CACNA1E: variants seen among roughly 807,000 people sequenced by gnomAD.
CACNA1E encodes calcium voltage-gated channel subunit alpha1 E.
In CACNA1E, 40 loss-of-function variants were observed where a neutral mutation model predicts 259.2. The ratio of observed to expected loss-of-function variants is 0.15; its 90% CI spans 0.12 to 0.20. The LOEUF (loss-of-function observed/expected upper bound fraction) is 0.20, where lower values mean the gene tolerates loss of function less well. Ranked by LOEUF, CACNA1E falls within the 10% of genes least tolerant of loss-of-function variation. The pLI is 1.00. For synonymous variants in CACNA1E, 1,104 were observed against 1,138.5 expected, an observed-to-expected ratio of 0.97 and a Z score of 0.61; for missense variants, 1,874 against 3,040.1, an observed-to-expected ratio of 0.62 and a Z score of 9.02.
intron 6 of CACNA1E, among the ~76,000 whole-genome samples, chr1:181,606,448 G>C (rs115076869): frequency 2.0e-5 from 3 of 152,146 alleles, no homozygotes; most frequent in Non-Finnish European, 4.4e-5. Context: ...ATATATCCCC[G>C]GCTGCGCCCA....
rs144913331 is a variant in CACNA1E at position 181,327,382 on chromosome 1, C to T, written c.-15+9259C>T. On this transcript the variant is annotated intron_variant, in intron 1 of 11. Transcript: ENST00000524607. The stretch of plus-strand genomic sequence containing the variant: ...GAGTTGACGGAAGGCAGTAATACTA[C>T]GGAGTGTGTATGTGGTATATATATA... Among the ~76,000 whole-genome samples, 317 of 152,238 alleles carry T rather than the reference C, an allele frequency of 2.1e-3. 2 individuals are homozygous for T. Among genetic ancestry groups the T allele is most frequent in the African/African-American group, 6.9e-3 (287 of 41,544 alleles).
rs182019635 is a variant in CACNA1E, at chr1:181,627,485, G to A, written c.952-23853G>A. ...GGGGGGAGATAAGGCTCGGTAAATG[G>A]ATGAGGCCCAGACTGTTGTGTCATG... On this transcript the variant is annotated intron_variant, in intron 6 of 47. Transcript: ENST00000367573. 1.6e-3 allele frequency among the ~76,000 whole-genome samples: 241 copies of A among 152,286 alleles called. 5 individuals are homozygous for A. The highest frequency in any genetic ancestry group is 5.6e-3 in the African/African-American group (234 of 41,560).
intron 6 of CACNA1E, among the ~76,000 whole-genome samples, chr1:181,610,095 G>A (rs199960): frequency 0.25 from 38,014 of 152,082 alleles, 4,932 homozygotes; most frequent in Middle Eastern, 0.37. Context: ...TGTGCACAAA[G>A]CATCTTCCTG....
intron 3 of CACNA1E, among the ~76,000 whole-genome samples, chr1:181,556,304 C>T (rs1648716797): frequency 6.6e-6 from 1 of 152,154 alleles, no homozygotes; most frequent in African/African-American, 2.4e-5. Context: ...ACTGCTGACC[C>T]CAGGACAGCA....
chr1:181,618,165 A>T lies in CACNA1E; in HGVS notation c.952-33173A>T, dbSNP rs571719368. ...TTGTATGAATATGTGAGACAAGGGGACTAGATGAACTAGAGAGAAGCATTC... is the reference window on the plus strand; with the variant it reads ...TTGTATGAATATGTGAGACAAGGGGTCTAGATGAACTAGAGAGAAGCATTC... On this transcript the variant is annotated intron_variant, in intron 6 of 47. Coordinates refer to ENST00000367573, the MANE Select transcript of CACNA1E (RefSeq NM_001205293.3). Among the ~76,000 whole-genome samples, 9 of 152,298 alleles carry T rather than the reference A, an allele frequency of 5.9e-5. No individual in the cohort carries two copies. The South Asian group carries it at 1.9e-3, about 32-fold the overall frequency.
intron 43 of CACNA1E, among the ~76,000 whole-genome samples, chr1:181,786,497 A>T (rs1174402617): frequency 6.6e-6 from 1 of 152,208 alleles, no homozygotes; most frequent in Non-Finnish European, 1.5e-5. Flanking sequence ...AACAAAAGGG[A>T]CCTTATTCAG....
chr1:181,750,331 C>A (rs906869467), intron 25 of CACNA1E, 145 bp from the exon 26 acceptor site: 4 of 675,958 alleles, frequency 5.9e-6, no homozygotes, highest in Non-Finnish European at 1.0e-5. Context: ...TCCCCTGGGC[C>A]TGTGCTGCTC....
intron 33 of CACNA1E, 123 bp from the exon 34 acceptor site, chr1:181,763,283 T>G: frequency 1.2e-6 from 1 of 811,920 alleles, no homozygotes. Context: ...GGAATTGGGG[T>G]TAACAAAGAC....
intron 16 of CACNA1E, among the ~76,000 whole-genome samples, chr1:181,722,445 TA>T (rs1484640779): frequency 6.6e-6 from 1 of 152,144 alleles, no homozygotes; most frequent in African/African-American, 2.4e-5. Flanking sequence ...AAAGGGAAAC[TA>T]AAGTCCAGTT....
At chr1:181,621,827 T>G (rs998336739) in intron 6 of CACNA1E, among the ~76,000 whole-genome samples, 1 of 152,172 alleles carries the variant, frequency 6.6e-6, no homozygotes, top group Admixed American at 6.5e-5. Flanking sequence ...TTGTGCTACC[T>G]AGCCTTGCAC....
chr1:181,742,816 C>T (rs915380243), intron 25 of CACNA1E, among the ~76,000 whole-genome samples: 2 of 152,196 alleles, frequency 1.3e-5, no homozygotes, highest in South Asian at 2.1e-4. Context: ...GAAGAGAAGA[C>T]TGTTCTCCAC....
chr1:181,678,984 A>C (rs149473021), intron 7 of CACNA1E, among the ~76,000 whole-genome samples: 1 of 152,172 alleles, frequency 6.6e-6, no homozygotes, highest in African/African-American at 2.4e-5. Flanking sequence ...GAGCCTCTAG[A>C]TAACTACAAA....
intron 7 of CACNA1E, among the ~76,000 whole-genome samples, chr1:181,668,380 C>T (rs944020345): frequency 6.6e-6 from 1 of 152,090 alleles, no homozygotes; most frequent in Non-Finnish European, 1.5e-5. Context: ...CGGTTTGTTT[C>T]CATGCACTCC....
rs1472384789 is a variant in CACNA1E, at chr1:181,373,579, C to T, written c.-14-39554C>T. Among the ~76,000 whole-genome samples, 5 of 149,200 alleles carry T rather than the reference C, an allele frequency of 3.4e-5. No homozygotes were observed. The South Asian group carries it at 6.4e-4, about 19-fold the overall frequency. On this transcript the variant is annotated intron_variant, in intron 1 of 11. Transcript: ENST00000524607. ...TTGAGACGGAGACTCGCTCTGTCGC[C>T]CAGGCTGGAGTGCAGTGGCGCAATC...
rs536131706 is a variant in CACNA1E, at chr1:181,805,203, G to T, written c.*6369G>T. ...CACTTCCTCTTCACTTCACTCAGAG[G>T]ATGGCCCCAAAACTGAAAAGGAAAT... On this transcript the variant is annotated 3_prime_UTR_variant, in exon 48 of 48. Coordinates refer to ENST00000367573, the MANE Select transcript of CACNA1E (RefSeq NM_001205293.3). The T allele has an allele frequency of 6.6e-6, 1 of 152,096 alleles. No individual in the cohort carries two copies. Among genetic ancestry groups the T allele is most frequent in the Admixed American group, 6.5e-5 (1 of 15,272 alleles). 9.4% of individuals were successfully genotyped at this position (152,096 alleles called of 1,614,324 possible).
chr1:181,619,712 A>T (rs528300304), intron 6 of CACNA1E, among the ~76,000 whole-genome samples: 1 of 152,156 alleles, frequency 6.6e-6, no homozygotes, highest in Non-Finnish European at 1.5e-5. Flanking sequence ...AATTCTGGAT[A>T]GGTTTTGAAG....
intron 3 of CACNA1E, among the ~76,000 whole-genome samples, chr1:181,542,032 A>G (rs772947325): frequency 1.6e-4 from 25 of 152,128 alleles, no homozygotes; most frequent in Non-Finnish European, 1.8e-4. Context: ...GAAGCAGGTT[A>G]CCATATCATG....
rs1334265515 is a variant in CACNA1E at position 181,733,577 on chromosome 1, G to A, written c.3089G>A (p.Ser1030Asn). ...VLTEQEPEGS[S>N]EQALLGNVQL... Reference sequence around the variant, plus strand: ...ACGGAGCAGGAGCCAGAAGGCAGCAGTGAGCAGGCCCTGCTGGGGAATGTG... The same window carrying A: ...ACGGAGCAGGAGCCAGAAGGCAGCAATGAGCAGGCCCTGCTGGGGAATGTG... Residue 1030 changes from serine (S) to asparagine (N), a missense_variant, in exon 21 of 48, where the codon AGT (serine) becomes AAT (asparagine). This residue lies in a region of CACNA1E where 476 missense variants were observed against 514.0 expected (regional missense o/e 0.93). Coordinates refer to ENST00000367573, the MANE Select transcript of CACNA1E (RefSeq NM_001205293.3). 2.5e-6 allele frequency: 4 copies of A among 1,613,090 alleles called. No homozygotes were observed. Among genetic ancestry groups the A allele is most frequent in the Non-Finnish European group, 3.4e-6 (4 of 1,179,508 alleles).
intron 1 of CACNA1E, among the ~76,000 whole-genome samples, chr1:181,365,615 A>C (rs1025254426): frequency 2.0e-5 from 3 of 152,244 alleles, no homozygotes; most frequent in African/African-American, 7.2e-5. Context: ...CGGGGTGGTC[A>C]GTTCAGTGGC....
Sources: gnomAD v4.1 joint callset for allele counts (sites outside exome capture counted in the v4.1 genomes callset) on GRCh38, gnomAD v4.1.1 for gene constraint, gnomAD v4.1.1 regional missense constraint, MANE v1.5 for transcripts, NCBI Gene and HGNC (gene_info 2026-07-23, HGNC 2026-07-21) for gene names.